ADGRA1: variants seen among roughly 807,000 people sequenced by gnomAD.
ADGRA1 encodes G-protein coupled receptor 123.
In ADGRA1, 12 loss-of-function variants were observed where a neutral mutation model predicts 21.3. That is an observed-to-expected ratio of 0.56 (90% CI 0.36 to 0.91). The LOEUF is 0.91. Among genes scored for constraint, ADGRA1 ranks in the 40% least tolerant of loss-of-function variants. The probability of loss-of-function intolerance (pLI) is 0.01; values close to 1 mark genes in which losing one functional copy is unlikely to be tolerated. For missense variants in ADGRA1, 790 were observed against 805.6 expected (o/e 0.98, Z 0.23); for synonymous variants, 385 against 368.8 (o/e 1.04, Z -0.50).
intron 5 of ADGRA1, among the ~76,000 whole-genome samples, chr10:133,112,245 T>C (rs1000574950): frequency 1.3e-5 from 2 of 152,264 alleles, no homozygotes; most frequent in Admixed American, 6.5e-5. Context: ...TAATGACATC[T>C]TAATTTTGCA....
At chr10:133,101,529 C>A (rs1851794503) in intron 4 of ADGRA1, among the ~76,000 whole-genome samples, 1 of 152,192 alleles carries the variant, frequency 6.6e-6, no homozygotes, top group African/African-American at 2.4e-5. Context: ...CTTCTTGTGA[C>A]CCCCAAATGC....
At chr10:133,102,551 TG>T in intron 4 of ADGRA1, 145 bp from the exon 5 acceptor site, 1 of 904,586 alleles carries the variant, frequency 1.1e-6, no homozygotes, top group Non-Finnish European at 1.7e-6. Context: ...TGGGCGGCTG[TG>T]GGGCGGCCGC....
intron 5 of ADGRA1, among the ~76,000 whole-genome samples, chr10:133,108,832 C>CG (rs1444575619): frequency 2.8e-5 from 3 of 107,780 alleles, no homozygotes; most frequent in African/African-American, 9.6e-5. Context: ...CAGCTCCACT[C>CG]GGCCCCAGCT....
At chr10:133,095,886 C>A in intron 2 of ADGRA1, 1 of 1,376,864 alleles carries the variant, frequency 7.3e-7, no homozygotes, top group South Asian at 1.4e-5. Flanking sequence ...CTGCCTCCTC[C>A]TGCCCCGATG....
chr10:133,088,677 C>T lies in ADGRA1; in HGVS notation c.-202-31C>T, dbSNP rs560920928. On this transcript the variant is annotated intron_variant, in intron 1 of 6. Transcript: ENST00000392607. ...AGCTGCCCTCCGCGGGGACCCTCCG[C>T]CCGCCCCGCTGACCGCCGCTGTCTT... 1.0e-4 allele frequency: 122 copies of T among 1,213,606 alleles called. 1 individual carries two copies. The East Asian group carries it at 3.6e-3, about 36-fold the overall frequency. The allele number at this position is 1,213,606 out of a possible 1,614,324, so 75.2% of individuals were successfully genotyped here.
At chr10:133,110,043 C>T (rs950807702) in intron 5 of ADGRA1, among the ~76,000 whole-genome samples, 2 of 152,096 alleles carry the variant, frequency 1.3e-5, no homozygotes, top group African/African-American at 4.8e-5. Context: ...TCAGCAGCGG[C>T]GGCGTTCCTG....
intron 5 of ADGRA1, among the ~76,000 whole-genome samples, chr10:133,124,080 T>C (rs1296023063): frequency 6.6e-6 from 1 of 152,200 alleles, no homozygotes; most frequent in African/African-American, 2.4e-5. Flanking sequence ...CTCCCTCACT[T>C]GGCACTGGGT....
intron 2 of ADGRA1, chr10:133,095,867 C>T: frequency 1.3e-6 from 2 of 1,485,250 alleles, no homozygotes; most frequent in Non-Finnish European, 1.8e-6. Context: ...ATCCCAGAGG[C>T]CCGGCCGGCT....
rs1362310049 is a variant in ADGRA1, at chr10:133,129,651, A to G, written c.*140A>G. On this transcript the variant is annotated 3_prime_UTR_variant, in exon 7 of 7. Coordinates refer to ENST00000392607, the MANE Select transcript of ADGRA1 (RefSeq NM_001083909.3). ...ACACCCCTGCCCCTTCCTTGTGATC[A>G]CACCCCTGCCCCTTCCTTGTGATCA... 2.2e-5 allele frequency: 9 copies of G among 405,380 alleles called. No individual in the cohort carries two copies. The highest frequency in any genetic ancestry group is 4.0e-5 in the Non-Finnish European group (9 of 227,162). The allele number at this position is 405,380 out of a possible 1,614,324, so 25.1% of individuals were successfully genotyped here. A position where few individuals can be genotyped will look rare whatever the true frequency, so the allele number is the denominator to read the frequency against.
intron 5 of ADGRA1, among the ~76,000 whole-genome samples, chr10:133,110,136 C>G (rs536482928): frequency 6.6e-6 from 1 of 152,346 alleles, no homozygotes; most frequent in East Asian, 1.9e-4. Context: ...CTCCAGGTGC[C>G]GTCTCCAAAG....
rs1185341324 is a variant in ADGRA1 at position 133,130,902 on chromosome 10, TAAC to T, written c.*1393_*1395del. On this transcript the variant is annotated 3_prime_UTR_variant, in exon 7 of 7. Coordinates refer to ENST00000392607, the MANE Select transcript of ADGRA1 (RefSeq NM_001083909.3). ...ACACAAACACACGTGCACACATACT[TAAC>T]ACACACTTGCACCTGCTGTGCACAT... The T allele has an allele frequency of 5.3e-5, 8 of 152,254 alleles. No individual in the cohort carries two copies. Among genetic ancestry groups the T allele is most frequent in the South Asian group, 2.1e-4 (1 of 4,816 alleles). 9.4% of individuals were successfully genotyped at this position (152,254 alleles called of 1,614,324 possible).
Position 133,131,353 on chromosome 10 carries a change from C to T in ADGRA1, c.*1842C>T, listed in dbSNP as rs1431658620. The T allele has an allele frequency of 6.6e-6, 1 of 152,336 alleles. No individual in the cohort carries two copies. The highest frequency in any genetic ancestry group is 1.5e-5 in the Non-Finnish European group (1 of 68,088). The allele number at this position is 152,336 out of a possible 1,614,324, so 9.4% of individuals were successfully genotyped here. A position where few individuals can be genotyped will look rare whatever the true frequency, so the allele number is the denominator to read the frequency against. ...ACCTGCTTCCATAGCTGATGTGAAC[C>T]CGAATCCCCACGCTGTGCTGTGTAC... On this transcript the variant is annotated 3_prime_UTR_variant, in exon 7 of 7. Coordinates refer to ENST00000392607, the MANE Select transcript of ADGRA1 (RefSeq NM_001083909.3).
chr10:133,109,906 C>A (rs1457429609), intron 5 of ADGRA1, among the ~76,000 whole-genome samples: 1 of 152,242 alleles, frequency 6.6e-6, no homozygotes, highest in Non-Finnish European at 1.5e-5. Context: ...GTGTCAGGCC[C>A]CACGGCCTCT....
chr10:133,104,327 G>A (rs1251464231), intron 5 of ADGRA1, among the ~76,000 whole-genome samples: 1 of 152,206 alleles, frequency 6.6e-6, no homozygotes, highest in African/African-American at 2.4e-5. Context: ...TCCCCTGGGT[G>A]TATAAATCAC....
chr10:133,120,531 C>T (rs1278458277), intron 5 of ADGRA1, among the ~76,000 whole-genome samples: 2 of 152,374 alleles, frequency 1.3e-5, no homozygotes, highest in South Asian at 2.1e-4. Flanking sequence ...TGCACTTTTA[C>T]GTTATGAAGA....
At position 133,087,925 on chromosome 10, in the gene ADGRA1, C is replaced by T; in HGVS notation, c.-416C>T. The T allele has an allele frequency of 3.0e-6, 3 of 985,076 alleles. No homozygotes were observed. Among genetic ancestry groups the T allele is most frequent in the Non-Finnish European group, 2.4e-6 (2 of 829,850 alleles). The allele number at this position is 985,076 out of a possible 1,614,324, so 61.0% of individuals were successfully genotyped here. A position where few individuals can be genotyped will look rare whatever the true frequency, so the allele number is the denominator to read the frequency against. ...CCGCTGTCGCCGCGGGAGGTGCGCG[C>T]AGAGGCGGCGGCGCTGCTGGCCGGG... is the stretch of plus-strand genomic sequence containing the variant. On this transcript the variant is annotated 5_prime_UTR_variant, in exon 1 of 7. Transcript: ENST00000392607.
Position 133,121,766 on chromosome 10 carries a change from A to C in ADGRA1, c.402-5467A>C, listed in dbSNP as rs549178600. Reference sequence around the variant, plus strand: ...GGTGTGTGCCAGTGTGCGTGTGTGCAAGTGTGAGTGTGCGTGTCGTGTGCC... The same window carrying C: ...GGTGTGTGCCAGTGTGCGTGTGTGCCAGTGTGAGTGTGCGTGTCGTGTGCC... On this transcript the variant is annotated intron_variant, in intron 5 of 6. Transcript: ENST00000392607. Among the ~76,000 whole-genome samples, 219 of 103,564 alleles carry C rather than the reference A, an allele frequency of 2.1e-3. 1 individual carries two copies. Among genetic ancestry groups the C allele is most frequent in the Middle Eastern group, 8.9e-3 (1 of 112 alleles). The allele number at this position is 103,564 out of a possible 152,430, so 67.9% of individuals were successfully genotyped here. A position where few individuals can be genotyped will look rare whatever the true frequency, so the allele number is the denominator to read the frequency against.
At chr10:133,089,847 C>T (rs923259645) in intron 2 of ADGRA1, among the ~76,000 whole-genome samples, 12 of 152,202 alleles carry the variant, frequency 7.9e-5, no homozygotes, top group African/African-American at 2.9e-4. Context: ...CTGAGGTCTC[C>T]GCACTTACCT....
intron 5 of ADGRA1, among the ~76,000 whole-genome samples, chr10:133,111,766 GACACC>G (rs1852014880): frequency 1.0e-5 from 1 of 98,720 alleles, no homozygotes; most frequent in Admixed American, 1.1e-4. Context: ...GCCCGCCACA[GACACC>G]TCCCTCCTAA....
Sources: gnomAD v4.1 joint callset for allele counts (sites outside exome capture counted in the v4.1 genomes callset) on GRCh38, gnomAD v4.1.1 for gene constraint, MANE v1.5 for transcripts, NCBI Gene and HGNC (gene_info 2026-07-23, HGNC 2026-07-21) for gene names.